PLAC1: variants seen among roughly 807,000 people sequenced by gnomAD.
PLAC1 encodes the protein placenta associated 1, also known as placenta-specific protein 1.
For missense variants in PLAC1, 136 were observed against 163.2 expected (o/e 0.83, Z 0.91); for synonymous variants, 68 against 62.1 (o/e 1.09, Z -0.44).
intron 1 of PLAC1, among the ~76,000 whole-genome samples, chrX:134,619,401 C>T (rs1177913784): frequency 9.0e-6 from 1 of 111,277 alleles, no homozygotes; most frequent in Non-Finnish European, 1.9e-5. Context: ...GCCTGTAATC[C>T]CAGCACTTTG....
At chrX:134,682,119 C>G (rs1428596611) in intron 2 of PLAC1, among the ~76,000 whole-genome samples, 1 of 112,257 alleles carries the variant, frequency 8.9e-6, no homozygotes. Context: ...CGTAGACTTG[C>G]ACCCTATAGT....
chrX:134,675,557 C>T (rs1329993283), intron 2 of PLAC1, among the ~76,000 whole-genome samples: 4 of 110,712 alleles, frequency 3.6e-5, no homozygotes, highest in African/African-American at 1.3e-4. Flanking sequence ...CCCAGCTACT[C>T]GGGAGGCTAA....
chrX:134,613,674 G>A (rs868012739), intron 1 of PLAC1, among the ~76,000 whole-genome samples: 14 of 111,361 alleles, frequency 1.3e-4, no homozygotes, highest in African/African-American at 3.9e-4. Flanking sequence ...GCTCCTTACA[G>A]AGAGAAAGGT....
intron 2 of PLAC1, among the ~76,000 whole-genome samples, chrX:134,598,375 G>C (rs917164356): frequency 1.8e-5 from 2 of 112,022 alleles, no homozygotes; most frequent in Non-Finnish European, 3.8e-5. Context: ...TATGTGCCCA[G>C]AACTGCACTG....
intron 1 of PLAC1, among the ~76,000 whole-genome samples, chrX:134,747,872 T>C (rs1029858637): frequency 9.0e-6 from 1 of 111,655 alleles, no homozygotes; most frequent in African/African-American, 3.3e-5. Context: ...AGAAGCCCTG[T>C]GAGAAAGCCA....
chrX:134,733,495 C>T (rs2078694795), exon 2 of PLAC1: 1 of 111,755 alleles, frequency 8.9e-6, no homozygotes, highest in African/African-American at 3.3e-5. Context: ...CTTCAGACTT[C>T]GTTGTCAGTC....
intron 2 of PLAC1, chrX:134,601,641 G>A (rs1249081442): frequency 8.9e-6 from 1 of 112,256 alleles, no homozygotes; most frequent in East Asian, 2.8e-4. Flanking sequence ...AGTGCTAGAG[G>A]CATAACACAT....
At chrX:134,626,981 A>G (rs2078239484) in intron 1 of PLAC1, among the ~76,000 whole-genome samples, 1 of 110,790 alleles carries the variant, frequency 9.0e-6, no homozygotes, top group African/African-American at 3.3e-5. Flanking sequence ...ATTGGAGGCT[A>G]CAGTGAGATA....
At chrX:134,614,801 A>AT (rs1167128256) in intron 1 of PLAC1, among the ~76,000 whole-genome samples, 1 of 110,342 alleles carries the variant, frequency 9.1e-6, no homozygotes, top group South Asian at 3.9e-4. Flanking sequence ...TGCCCAGCTA[A>AT]TTTTTTTTCT....
rs2078000637 is a variant in PLAC1, at chrX:134,586,481, G to A, written c.-59+15570C>T. On this transcript the variant is annotated intron_variant, in intron 2 of 2. Coordinates refer to ENST00000359237, the MANE Select transcript of PLAC1 (RefSeq NM_021796.4). Reference sequence around the variant, plus strand: ...GCACACCTGTGAGTCTGGAAACAAAGTCTCAGCTGTTAAACCCGAGGGGCC... The same window carrying A: ...GCACACCTGTGAGTCTGGAAACAAAATCTCAGCTGTTAAACCCGAGGGGCC... Among the ~76,000 whole-genome samples the A allele has an allele frequency of 3.6e-5, 4 of 110,750 alleles. No homozygotes were observed. In the South Asian group the frequency reaches 1.6e-3, roughly 43 times the overall value.
intron 1 of PLAC1, among the ~76,000 whole-genome samples, chrX:134,742,456 C>G (rs1173963915): frequency 8.9e-6 from 1 of 111,919 alleles, no homozygotes; most frequent in African/African-American, 3.2e-5. Context: ...GGCATGGTGG[C>G]GCATGCCTGT....
chrX:134,642,248 T>C (rs1317423561), intron 1 of PLAC1, among the ~76,000 whole-genome samples: 2 of 111,947 alleles, frequency 1.8e-5, no homozygotes, highest in Admixed American at 9.5e-5. Flanking sequence ...TTGATTATGT[T>C]AAAAATCAAG....
chrX:134,723,255 G>A (rs1197463449), intron 2 of PLAC1, among the ~76,000 whole-genome samples: 28 of 109,928 alleles, frequency 2.5e-4, no homozygotes, highest in East Asian at 2.8e-4. Context: ...TTACAGAGAA[G>A]TCACATAGGG....
intron 1 of PLAC1, among the ~76,000 whole-genome samples, chrX:134,641,572 A>C (rs924376953): frequency 4.4e-5 from 5 of 112,360 alleles, no homozygotes; most frequent in African/African-American, 1.6e-4. Flanking sequence ...GTAAATTCAC[A>C]GTGAGCAGGA....
intron 2 of PLAC1, among the ~76,000 whole-genome samples, chrX:134,670,015 C>T (rs970406263): frequency 4.1e-4 from 44 of 107,481 alleles, no homozygotes; most frequent in African/African-American, 1.5e-3. Context: ...CTCCAGTCTC[C>T]CCACCCCACC....
chrX:134,614,412 A>G (rs1210003514), intron 1 of PLAC1, among the ~76,000 whole-genome samples: 1 of 111,187 alleles, frequency 9.0e-6, no homozygotes, highest in Non-Finnish European at 1.9e-5. Flanking sequence ...GTCATTAACT[A>G]TAGTCCTTAT....
intron 1 of PLAC1, among the ~76,000 whole-genome samples, chrX:134,744,872 C>CAT (rs1298148459): frequency 8.9e-6 from 1 of 111,796 alleles, no homozygotes; most frequent in Non-Finnish European, 1.9e-5. Context: ...TGGAAAGACA[C>CAT]ATACTCCTTG....
intron 2 of PLAC1, among the ~76,000 whole-genome samples, chrX:134,716,574 C>A (rs1476625412): frequency 8.9e-6 from 1 of 112,223 alleles, no homozygotes; most frequent in Non-Finnish European, 1.9e-5. Flanking sequence ...TTTTGAGATC[C>A]CTCATCCTGC....
chrX:134,745,474 T>C (rs970906671), intron 1 of PLAC1, among the ~76,000 whole-genome samples: 1 of 111,688 alleles, frequency 9.0e-6, no homozygotes, highest in African/African-American at 3.3e-5. Flanking sequence ...AGAGGTAAAA[T>C]GGATGGTGGG....
Sources: allele counts gnomAD v4.1 joint callset (sites outside exome capture counted in the v4.1 genomes callset), GRCh38; gene constraint gnomAD v4.1.1; transcripts MANE v1.5; gene names NCBI Gene and HGNC (gene_info 2026-07-23, HGNC 2026-07-21).